NLGN1: variants seen among roughly 807,000 people sequenced by gnomAD.
The protein encoded by NLGN1 is neuroligin 1.
In NLGN1, 12 loss-of-function variants were observed where a neutral mutation model predicts 65.5. The ratio of observed to expected loss-of-function variants is 0.18; its 90% CI spans 0.12 to 0.30. The LOEUF (loss-of-function observed/expected upper bound fraction) is 0.30. Among genes scored for constraint, NLGN1 ranks in the 10% least tolerant of loss-of-function variants. The pLI, the probability that NLGN1 is intolerant of heterozygous loss-of-function variation, is 1.00. For missense variants in NLGN1, 750 were observed against 1,007.1 expected (o/e 0.74, Z 3.46); for synonymous variants, 350 against 359.5 (o/e 0.97, Z 0.30).
intron 4 of NLGN1, among the ~76,000 whole-genome samples, chr3:174,205,549 G>A (rs993035931): frequency 1.3e-5 from 2 of 152,196 alleles, no homozygotes; most frequent in East Asian, 1.9e-4. Flanking sequence ...TGATTTTGCT[G>A]TCATAGTATC....
intron 2 of NLGN1, among the ~76,000 whole-genome samples, chr3:173,435,559 G>T (rs1050534280): frequency 6.6e-6 from 1 of 152,152 alleles, no homozygotes; most frequent in African/African-American, 2.4e-5. Flanking sequence ...TGTAGGCTGG[G>T]TGCGGTGGCA....
At chr3:174,100,102 A>G (rs1346953936) in intron 4 of NLGN1, among the ~76,000 whole-genome samples, 1 of 152,130 alleles carries the variant, frequency 6.6e-6, no homozygotes. Context: ...CATTGAGCAA[A>G]ATAAGGTGAA....
chr3:173,962,118 A>G (rs965051636), intron 4 of NLGN1, among the ~76,000 whole-genome samples: 7 of 152,280 alleles, frequency 4.6e-5, no homozygotes, highest in Middle Eastern at 3.4e-3. Flanking sequence ...AAAATCAAAC[A>G]CAAGACAAGG....
At chr3:173,403,005 A>C (rs548648383) in intron 1 of NLGN1, among the ~76,000 whole-genome samples, 1 of 152,132 alleles carries the variant, frequency 6.6e-6, no homozygotes, top group South Asian at 2.1e-4. Flanking sequence ...GGAGTTCCAC[A>C]AACAAACTAT....
intron 4 of NLGN1, among the ~76,000 whole-genome samples, chr3:174,115,153 T>C (rs1435239293): frequency 6.6e-6 from 1 of 152,142 alleles, no homozygotes; most frequent in Non-Finnish European, 1.5e-5. Flanking sequence ...TGAAAGTAAG[T>C]AGAGAATGGT....
intron 2 of NLGN1, among the ~76,000 whole-genome samples, chr3:173,469,427 A>G (rs1433334406): frequency 2.6e-5 from 4 of 152,046 alleles, no homozygotes; most frequent in African/African-American, 9.7e-5. Flanking sequence ...GTTCCTAAGG[A>G]AGCAGTCTGA....
chr3:173,795,297 T>C (rs1463617045), intron 3 of NLGN1, among the ~76,000 whole-genome samples: 1 of 152,142 alleles, frequency 6.6e-6, no homozygotes, highest in Non-Finnish European at 1.5e-5. Flanking sequence ...ATTAGATTTT[T>C]AGTTTAGCAT....
intron 3 of NLGN1, among the ~76,000 whole-genome samples, chr3:173,695,858 C>T (rs1003126678): frequency 2.0e-5 from 3 of 152,178 alleles, no homozygotes; most frequent in African/African-American, 7.2e-5. Flanking sequence ...GCACTGTGCC[C>T]AGCATATATT....
intron 4 of NLGN1, among the ~76,000 whole-genome samples, chr3:173,836,949 G>C (rs1255696344): frequency 6.6e-6 from 1 of 152,050 alleles, no homozygotes; most frequent in East Asian, 1.9e-4. Context: ...TGATCTAAAG[G>C]CTTGATATTG....
intron 4 of NLGN1, among the ~76,000 whole-genome samples, chr3:173,845,231 A>G (rs898328353): frequency 2.6e-5 from 4 of 152,212 alleles, no homozygotes; most frequent in Non-Finnish European, 4.4e-5. Flanking sequence ...AGGTAGTTCC[A>G]TAATGTGTAA....
chr3:174,257,054 C>G (rs973225062), intron 4 of NLGN1, among the ~76,000 whole-genome samples: 2 of 151,872 alleles, frequency 1.3e-5, no homozygotes, highest in African/African-American at 2.4e-5. Context: ...GAACTTAAAC[C>G]AATTTATAAG....
chr3:173,882,708 T>C (rs1733574662), intron 4 of NLGN1, among the ~76,000 whole-genome samples: 2 of 152,338 alleles, frequency 1.3e-5, no homozygotes, highest in Admixed American at 6.5e-5. Context: ...GGAATATTGT[T>C]GAAACCTTCT....
At chr3:174,180,967 T>C (rs901256698) in intron 4 of NLGN1, 1 of 152,104 alleles carries the variant, frequency 6.6e-6, no homozygotes, top group Non-Finnish European at 1.5e-5. Context: ...TAACAAGTGA[T>C]TGGAATGCAG....
chr3:174,102,070 C>T (rs1402478569), intron 4 of NLGN1, among the ~76,000 whole-genome samples: 10 of 151,990 alleles, frequency 6.6e-5, no homozygotes, highest in East Asian at 1.9e-4. Context: ...TTAAAAATAA[C>T]AAAAAAGTAT....
chr3:174,150,900 C>T (rs1724188710), intron 4 of NLGN1, among the ~76,000 whole-genome samples: 1 of 151,868 alleles, frequency 6.6e-6, no homozygotes. Flanking sequence ...CATTGTAGTA[C>T]AATAATTACA....
chr3:173,709,660 G>A (rs767983194), intron 3 of NLGN1, among the ~76,000 whole-genome samples: 25 of 151,650 alleles, frequency 1.6e-4, no homozygotes, highest in African/African-American at 4.6e-4. Context: ...AAAATTAGCC[G>A]GGCATGGTGG....
At chr3:173,896,924 A>G (rs574263091) in intron 4 of NLGN1, among the ~76,000 whole-genome samples, 1 of 152,278 alleles carries the variant, frequency 6.6e-6, no homozygotes, top group South Asian at 2.1e-4. Flanking sequence ...TTGACTGTCA[A>G]TTAGTGATCA....
intron 4 of NLGN1, among the ~76,000 whole-genome samples, chr3:173,894,269 A>G (rs1232077019): frequency 6.6e-6 from 1 of 152,200 alleles, no homozygotes; most frequent in African/African-American, 2.4e-5. Flanking sequence ...CTACCTAGCA[A>G]AAACCTAGGT....
intron 4 of NLGN1, among the ~76,000 whole-genome samples, chr3:174,150,340 G>C (rs1057212882): frequency 1.3e-5 from 2 of 151,944 alleles, no homozygotes; most frequent in African/African-American, 4.8e-5. Flanking sequence ...TCTAGTGCAG[G>C]GTTTCTCAAC....
Sources: gnomAD v4.1 joint callset for allele counts (sites outside exome capture counted in the v4.1 genomes callset) on GRCh38, gnomAD v4.1.1 for gene constraint, MANE v1.5 for transcripts, NCBI Gene and HGNC (gene_info 2026-07-23, HGNC 2026-07-21) for gene names.